The following SORBS2 variants were observed in gnomAD, a reference collection of about 807,000 sequenced individuals.
SORBS2 encodes sorbin and SH3 domain-containing protein 2.
A neutral mutation model predicts 97.7 loss-of-function variants in SORBS2; 46 were observed. That is an observed-to-expected ratio of 0.47 (90% CI 0.37 to 0.60). SORBS2 has a LOEUF of 0.60. SORBS2 is among the 20% of genes least tolerant of loss of function. The pLI is 0.00. For missense variants in SORBS2, 1,316 were observed against 1,282.3 expected, an observed-to-expected ratio of 1.03 and a Z score of -0.40; for synonymous variants, 476 against 473.4, an observed-to-expected ratio of 1.01 and a Z score of -0.07.
intron 2 of SORBS2, among the ~76,000 whole-genome samples, chr4:185,768,043 A>G (rs75151310): frequency 0.032 from 4,881 of 152,242 alleles, 110 homozygotes; most frequent in Non-Finnish European, 0.049. Flanking sequence ...TTGTGATAAT[A>G]CCACTGATTT....
intron 1 of SORBS2, among the ~76,000 whole-genome samples, chr4:185,858,728 G>T (rs919074884): frequency 6.6e-6 from 1 of 152,124 alleles, no homozygotes; most frequent in Non-Finnish European, 1.5e-5. Flanking sequence ...AACTGAACAC[G>T]TTTTAACTAA....
chr4:185,817,619 C>G (rs62335717), intron 1 of SORBS2, among the ~76,000 whole-genome samples: 36,949 of 152,198 alleles, frequency 0.24, 4,687 homozygotes, highest in Middle Eastern at 0.33. Flanking sequence ...GCAGAAAAAG[C>G]ACTGGGCTCT....
At chr4:185,822,804 A>T (rs1412862308) in intron 1 of SORBS2, among the ~76,000 whole-genome samples, 1 of 152,238 alleles carries the variant, frequency 6.6e-6, no homozygotes, top group African/African-American at 2.4e-5. Context: ...GAGTGCGCTC[A>T]GCATTCTGAG....
At chr4:185,885,409 A>C (rs2099238902) in intron 1 of SORBS2, among the ~76,000 whole-genome samples, 1 of 152,234 alleles carries the variant, frequency 6.6e-6, no homozygotes. Flanking sequence ...TGAAGGCTTA[A>C]CTCAGAGTGC....
intron 2 of SORBS2, among the ~76,000 whole-genome samples, chr4:185,764,500 T>C (rs1291040875): frequency 6.6e-6 from 1 of 152,188 alleles, no homozygotes; most frequent in African/African-American, 2.4e-5. Context: ...TCATTTTCTC[T>C]TTGAATTCAC....
chr4:185,657,514 C>A (rs1022793792), upstream of SORBS2: 2 of 1,569,472 alleles, frequency 1.3e-6, no homozygotes, highest in Non-Finnish European at 8.6e-7. Flanking sequence ...TCTTCTCTTC[C>A]TCTGAGGATC....
intron 4 of SORBS2, among the ~76,000 whole-genome samples, chr4:185,676,391 A>G (rs544963968): frequency 3.3e-5 from 5 of 152,318 alleles, no homozygotes; most frequent in Admixed American, 2.6e-4. Context: ...ATGTAAACAG[A>G]AGGATGCTAT....
At chr4:185,893,900 G>A (rs551063246) in intron 1 of SORBS2, among the ~76,000 whole-genome samples, 7 of 152,218 alleles carry the variant, frequency 4.6e-5, no homozygotes, top group South Asian at 2.1e-4. Flanking sequence ...CTTCAGCAGC[G>A]TCAGACTTTA....
At chr4:185,877,883 A>AG (rs1554045185) in intron 1 of SORBS2, among the ~76,000 whole-genome samples, 13 of 145,264 alleles carry the variant, frequency 8.9e-5, no homozygotes, top group African/African-American at 2.3e-4. Context: ...ACAAAAAAAA[A>AG]AAAGAAAGAA....
intron 1 of SORBS2, among the ~76,000 whole-genome samples, chr4:185,899,349 C>T (rs1561280785): frequency 6.6e-6 from 1 of 152,156 alleles, no homozygotes; most frequent in East Asian, 1.9e-4. Flanking sequence ...TAAGTGTGCA[C>T]AGGGATTTGG....
intron 4 of SORBS2, among the ~76,000 whole-genome samples, chr4:185,667,524 C>T (rs2153480819): frequency 6.6e-6 from 1 of 151,998 alleles, no homozygotes; most frequent in Middle Eastern, 3.4e-3. Flanking sequence ...TTCATACATA[C>T]AGAAAGTTCT....
At chr4:185,813,021 T>A (rs1219449565) in intron 1 of SORBS2, 1 of 152,224 alleles carries the variant, frequency 6.6e-6, no homozygotes, top group African/African-American at 2.4e-5. Context: ...TTTCACCTCC[T>A]CTGGGAATCT....
chr4:185,927,217 A>G (rs570959222), intron 1 of SORBS2, among the ~76,000 whole-genome samples: 1 of 150,042 alleles, frequency 6.7e-6, no homozygotes, highest in East Asian at 1.9e-4. Context: ...GTGTATATAT[A>G]ATTTTTGTTT....
At chr4:185,842,652 T>C (rs1167681518) in intron 1 of SORBS2, among the ~76,000 whole-genome samples, 1 of 152,038 alleles carries the variant, frequency 6.6e-6, no homozygotes, top group African/African-American at 2.4e-5. Flanking sequence ...AAATATTAAA[T>C]TTGGCCGGGT....
intron 4 of SORBS2, among the ~76,000 whole-genome samples, chr4:185,633,474 T>G (rs867965036): frequency 5.0e-4 from 76 of 151,292 alleles, no homozygotes; most frequent in African/African-American, 1.7e-3. Flanking sequence ...ATGTGTTGTT[T>G]TTTTTTTTTT....
chr4:185,648,158 C>T (rs2097248143), intron 3 of SORBS2, among the ~76,000 whole-genome samples: 1 of 151,232 alleles, frequency 6.6e-6, no homozygotes, highest in African/African-American at 2.4e-5. Context: ...GATGGGATTT[C>T]GCCATGTTGG....
chr4:185,707,663 T>G (rs2098364577), intron 2 of SORBS2, among the ~76,000 whole-genome samples: 1 of 152,144 alleles, frequency 6.6e-6, no homozygotes, highest in South Asian at 2.1e-4. Context: ...ACTGGGTAAT[T>G]TATAAAGGAA....
intron 2 of SORBS2, among the ~76,000 whole-genome samples, 194 bp downstream of exon 11, chr4:185,651,590 G>T (rs1426534197): frequency 6.6e-6 from 1 of 152,170 alleles, no homozygotes; most frequent in Non-Finnish European, 1.5e-5. Context: ...AGATAAACCA[G>T]TATTAGTTCT....
intron 2 of SORBS2, among the ~76,000 whole-genome samples, chr4:185,731,866 CTATATATATATATA>C (rs544211866): frequency 0.028 from 700 of 24,580 alleles, 5 homozygotes; most frequent in Non-Finnish European, 0.034. Flanking sequence ...CTCTCTCTCT[CTATATATATATATA>C]TATATATATA....
Sources: gnomAD v4.1 joint callset for allele counts (sites outside exome capture counted in the v4.1 genomes callset) on GRCh38, gnomAD v4.1.1 for gene constraint, MANE v1.5 for transcripts, NCBI Gene and HGNC (gene_info 2026-07-23, HGNC 2026-07-21) for gene names.